The following PKP4 variants were observed in gnomAD, a reference collection of about 807,000 sequenced individuals.
PKP4 encodes the protein plakophilin-4.
A neutral mutation model predicts 145.1 loss-of-function variants in PKP4; 90 were observed. The observed-to-expected ratio is 0.62, with a 90% CI of 0.52 to 0.74. The LOEUF is 0.74. Among genes scored for constraint, PKP4 ranks in the 30% least tolerant of loss-of-function variants. The pLI, the probability that PKP4 is intolerant of heterozygous loss-of-function variation, is 0.00. For missense variants in PKP4, 1,340 were observed against 1,482.7 expected (o/e 0.90, Z 1.58); for synonymous variants, 563 against 577.2 (o/e 0.98, Z 0.35).
intron 1 of PKP4, among the ~76,000 whole-genome samples, chr2:158,467,193 C>T (rs1292154598): frequency 6.6e-6 from 1 of 152,070 alleles, no homozygotes; most frequent in Non-Finnish European, 1.5e-5. Flanking sequence ...ATAAAATTTA[C>T]AGAAGGAAAG....
chr2:158,620,721 A>G (rs1303169639), intron 4 of PKP4, among the ~76,000 whole-genome samples: 4 of 152,186 alleles, frequency 2.6e-5, no homozygotes, highest in Admixed American at 2.0e-4. Flanking sequence ...TCCAAGAGGA[A>G]CAGGATCAGT....
chr2:158,642,820 A>G (rs748145484), intron 11 of PKP4, 121 bp downstream of exon 11: 35 of 613,978 alleles, frequency 5.7e-5, no homozygotes, highest in Non-Finnish European at 9.6e-5. Context: ...AGATATATAT[A>G]GTGCTCACAA....
Position 158,642,526 on chromosome 2 carries a change from T to C in PKP4, c.1736T>C (p.Leu579Pro), listed in dbSNP as rs747322620. 6.2e-7 allele frequency: 1 copy of C among 1,613,386 alleles called. No individual in the cohort carries two copies. Reference sequence around the variant, plus strand: ...GGAATCAAGCATCTGGTTGACCTTCTGGACCACAGAGTTTTGGAAGTTCAG... The same window carrying C: ...GGAATCAAGCATCTGGTTGACCTTCCGGACCACAGAGTTTTGGAAGTTCAG... The part of the protein sequence containing the change: ...LGGIKHLVDL[L>P]DHRVLEVQKN... The change falls in exon 11 of 22, where the codon CTG (leucine) becomes CCG (proline). Residue 579 changes from leucine to proline, a missense_variant. By Grantham distance (98) the Leu-to-Pro change is moderately conservative. Coordinates refer to ENST00000389759, the MANE Select transcript of PKP4 (RefSeq NM_003628.6).
At chr2:158,491,169 C>T (rs1694880075) in intron 1 of PKP4, among the ~76,000 whole-genome samples, 1 of 152,128 alleles carries the variant, frequency 6.6e-6, no homozygotes, top group Non-Finnish European at 1.5e-5. Context: ...CTCTCCCCTC[C>T]TTCTGTGATG....
chr2:158,573,605 C>T (rs1353618505), intron 2 of PKP4, among the ~76,000 whole-genome samples: 2 of 145,576 alleles, frequency 1.4e-5, no homozygotes, highest in African/African-American at 5.1e-5. Flanking sequence ...TGAAGTGTCT[C>T]ACAATATATT....
chr2:158,648,942 G>A (rs940500361), intron 11 of PKP4, among the ~76,000 whole-genome samples: 2 of 152,216 alleles, frequency 1.3e-5, no homozygotes, highest in East Asian at 1.9e-4. Flanking sequence ...ATGTTGCAGC[G>A]AGTCGACATC....
intron 1 of PKP4, among the ~76,000 whole-genome samples, chr2:158,499,741 A>G (rs1696276246): frequency 6.6e-6 from 1 of 152,206 alleles, no homozygotes; most frequent in East Asian, 1.9e-4. Context: ...AAATGAGGTC[A>G]ATTATTCCTG....
At chr2:158,519,942 C>T (rs548289567) in intron 1 of PKP4, among the ~76,000 whole-genome samples, 11 of 152,120 alleles carry the variant, frequency 7.2e-5, no homozygotes, top group African/African-American at 2.7e-4. Context: ...TTCGTCTCCT[C>T]CTAGCATCTA....
intron 19 of PKP4, 57 bp from the exon 20 acceptor site, chr2:158,676,682 C>T: frequency 1.2e-6 from 2 of 1,604,360 alleles, no homozygotes; most frequent in Non-Finnish European, 1.7e-6. Flanking sequence ...TCCACAGATA[C>T]TGATGCTGAT....
intron 2 of PKP4, among the ~76,000 whole-genome samples, chr2:158,568,340 G>A (rs969655802): frequency 5.9e-5 from 9 of 151,994 alleles, no homozygotes; most frequent in African/African-American, 1.4e-4. Context: ...CTCCATCTAC[G>A]AAAGAAAGAA....
Position 158,620,991 on chromosome 2 carries a change from C to G in PKP4, c.282C>G (p.Asp94Glu). 6.2e-7 allele frequency: 1 copy of G among 1,613,244 alleles called. No individual in the cohort carries two copies. The highest frequency in any genetic ancestry group is 1.1e-5 in the South Asian group (1 of 90,990). Residue 94 changes from aspartate to glutamate, a missense_variant and splice_region_variant, in exon 5 of 22, where the codon GAC (aspartate) becomes GAG (glutamate). Physicochemically the swap from Asp to Glu is conservative, Grantham distance 45. Coordinates refer to ENST00000389759, the MANE Select transcript of PKP4 (RefSeq NM_003628.6). ...TEKSFPWRST[D>E]VPNTGVSKPR... ...CTGATTAAACTTTTCTTGTTACAGA[C>G]GTGCCAAATACTGGTGTAAGCAAAC...
intron 4 of PKP4, among the ~76,000 whole-genome samples, chr2:158,612,017 T>TAA (rs113392065): frequency 1.6e-4 from 23 of 142,298 alleles, no homozygotes; most frequent in African/African-American, 2.8e-4. Context: ...TATGCTTCTT[T>TAA]AAAAAAAAAA....
chr2:158,487,363 T>A (rs935014103), intron 1 of PKP4, among the ~76,000 whole-genome samples: 1 of 152,212 alleles, frequency 6.6e-6, no homozygotes, highest in Admixed American at 6.5e-5. Context: ...AATCTTATAA[T>A]CATTATGTGT....
At chr2:158,672,674 A>G (rs574905262) in intron 17 of PKP4, among the ~76,000 whole-genome samples, 82 of 152,286 alleles carry the variant, frequency 5.4e-4, no homozygotes, top group Middle Eastern at 3.4e-3. Flanking sequence ...CCATAGTCCA[A>G]TTTGGAAATA....
At chr2:158,631,710 G>A (rs763018708) in intron 7 of PKP4, 43 bp from the exon 8 acceptor site, 2 of 1,512,426 alleles carry the variant, frequency 1.3e-6, no homozygotes, top group Admixed American at 3.3e-5. Flanking sequence ...TAACCTCACT[G>A]TGATTGTCTC....
chr2:158,497,852 T>C (rs1695965572), intron 1 of PKP4, among the ~76,000 whole-genome samples: 1 of 152,236 alleles, frequency 6.6e-6, no homozygotes, highest in Non-Finnish European at 1.5e-5. Flanking sequence ...CAAATATCAT[T>C]GTAACTTTAA....
chr2:158,607,667 ACCC>A (rs2050766948), intron 4 of PKP4, among the ~76,000 whole-genome samples: 1 of 152,072 alleles, frequency 6.6e-6, no homozygotes, highest in South Asian at 2.1e-4. Flanking sequence ...CCAGAGAAAT[ACCC>A]TGATTTCCCC....
intron 17 of PKP4, among the ~76,000 whole-genome samples, chr2:158,673,152 G>C (rs1012756086): frequency 1.3e-5 from 2 of 152,180 alleles, no homozygotes; most frequent in Non-Finnish European, 2.9e-5. Context: ...CTCAGAGAGG[G>C]GAAATAATAT....
At position 158,563,487 on chromosome 2, in the gene PKP4, T is replaced by C. The variant is rs181135395; in HGVS notation, c.133-13784T>C. Among the ~76,000 whole-genome samples, 360 of 152,318 alleles carry C rather than the reference T, an allele frequency of 2.4e-3. 2 individuals carry two copies. The highest frequency in any genetic ancestry group is 8.4e-3 in the African/African-American group (349 of 41,582). On this transcript the variant is annotated intron_variant, in intron 2 of 21. Coordinates refer to ENST00000389759, the MANE Select transcript of PKP4 (RefSeq NM_003628.6). ...TGGCTTTATTTTCCTGCATAATCTTTCTTAAACATATTCTGTATCAGCACA... is the reference window on the plus strand; with the variant it reads ...TGGCTTTATTTTCCTGCATAATCTTCCTTAAACATATTCTGTATCAGCACA...
Sources: gnomAD v4.1 joint callset for allele counts (sites outside exome capture counted in the v4.1 genomes callset) on GRCh38, gnomAD v4.1.1 for gene constraint, MANE v1.5 for transcripts, NCBI Gene and HGNC (gene_info 2026-07-23, HGNC 2026-07-21) for gene names.